Variants in HOPX observed in about 807,000 individuals in gnomAD.
HOPX encodes homeodomain-only protein.
A neutral mutation model predicts 11.8 loss-of-function variants in HOPX; 5 were observed. The observed-to-expected ratio is 0.43, with a 90% CI of 0.22 to 0.89. The LOEUF (loss-of-function observed/expected upper bound fraction) is 0.89. Among genes scored for constraint, HOPX ranks in the 40% least tolerant of loss-of-function variants. HOPX has a pLI of 0.28. For missense variants in HOPX, 119 were observed against 120.0 expected (o/e 0.99, Z 0.04); for synonymous variants, 49 against 49.7 (o/e 0.99, Z 0.06).
chr4:56,671,455 C>A lies in HOPX; in HGVS notation c.-84+9800G>T, dbSNP rs550970600. Among the ~76,000 whole-genome samples, 167 of 152,056 alleles carry A rather than the reference C, an allele frequency of 1.1e-3. 2 individuals are homozygous for A. The highest frequency in any genetic ancestry group is 3.9e-3 in the African/African-American group (162 of 41,394). ...ATTAATAGATTATTATTTTTATGGT[C>A]CAACTACCATTCTTATTTTATGACT... On this transcript the variant is annotated intron_variant, in intron 1 of 3. Coordinates refer to ENST00000420433, the MANE Select transcript of HOPX (RefSeq NM_032495.6).
Position 56,670,229 on chromosome 4 carries a change from C to T in HOPX, c.-84+11026G>A, listed in dbSNP as rs145953778. On this transcript the variant is annotated intron_variant, in intron 1 of 3. Transcript: ENST00000420433. ...TAGAGATTTCCATGGGGCACAGCCA[C>T]GCACTCAGGGCTTTTCAAACCAGGT... 4.1e-3 allele frequency among the ~76,000 whole-genome samples: 623 copies of T among 152,212 alleles called. 2 individuals are homozygous for T. Among genetic ancestry groups the T allele is most frequent in the Non-Finnish European group, 7.4e-3 (504 of 68,010 alleles).
At chr4:56,657,660 C>T (rs1460507370) in intron 2 of HOPX, 115 bp downstream of exon 2, 11 of 707,314 alleles carry the variant, frequency 1.6e-5, no homozygotes, top group Admixed American at 2.0e-5. Flanking sequence ...ATTCCTGTCA[C>T]GGTGCTAGGC....
chr4:56,661,949 G>A (rs1177948633), intron 1 of HOPX, among the ~76,000 whole-genome samples: 1 of 152,134 alleles, frequency 6.6e-6, no homozygotes, highest in Non-Finnish European at 1.5e-5. Context: ...CTCCTCTACA[G>A]AACTCCTGGG....
chr4:56,658,660 A>G (rs1179886665), intron 1 of HOPX, among the ~76,000 whole-genome samples: 1 of 152,228 alleles, frequency 6.6e-6, no homozygotes, highest in Non-Finnish European at 1.5e-5. Context: ...CCTTGGCCTT[A>G]TAAAGCTTTT....
chr4:56,670,976 G>GA lies in HOPX; in HGVS notation c.-84+10278dup, dbSNP rs533268070. ...TGTGCCGTTGCACTCCAGCCTGGGTGAAAAAAAAAAAAAATCAAATACAGA... is the reference window on the plus strand; with the variant it reads ...TGTGCCGTTGCACTCCAGCCTGGGTGAAAAAAAAAAAAAAATCAAATACAGA... On this transcript the variant is annotated intron_variant, in intron 1 of 3. Transcript: ENST00000420433. 3.6e-3 allele frequency among the ~76,000 whole-genome samples: 497 copies of GA among 137,976 alleles called. 5 individuals carry two copies. The highest frequency in any genetic ancestry group is 0.011 in the Middle Eastern group (3 of 264). The allele number at this position is 137,976 out of a possible 152,430, so 90.5% of individuals were successfully genotyped here.
chr4:56,651,744 T>G (rs993999825), intron 3 of HOPX, among the ~76,000 whole-genome samples: 2 of 152,098 alleles, frequency 1.3e-5, no homozygotes, highest in African/African-American at 4.8e-5. Context: ...CTAAAACCAC[T>G]GGGTTCTGGG....
chr4:56,656,771 C>T (rs1416494338), intron 2 of HOPX, among the ~76,000 whole-genome samples: 1 of 152,190 alleles, frequency 6.6e-6, no homozygotes, highest in East Asian at 1.9e-4. Context: ...CTGCAACCTC[C>T]TCCTTCAACC....
chr4:56,652,827 G>GA (rs886434747), intron 3 of HOPX, among the ~76,000 whole-genome samples: 4 of 151,424 alleles, frequency 2.6e-5, no homozygotes, highest in African/African-American at 9.7e-5. Context: ...CTCCAAAAGA[G>GA]AAAAAAAGAA....
chr4:56,653,904 C>T (rs7673945), intron 3 of HOPX, among the ~76,000 whole-genome samples: 19,291 of 152,180 alleles, frequency 0.13, 1,408 homozygotes, highest in African/African-American at 0.2. Flanking sequence ...TACCCCTAAC[C>T]GGATTTTATT....
At chr4:56,653,929 T>G (rs7656255) in intron 3 of HOPX, among the ~76,000 whole-genome samples, 74,800 of 152,070 alleles carry the variant, frequency 0.49, 19,269 homozygotes, top group African/African-American at 0.64. Flanking sequence ...TTCTCTAATA[T>G]CATGTGAATC....
At position 56,655,896 on chromosome 4, in the gene HOPX, G is replaced by C. The variant is rs758694183; in HGVS notation, c.159C>G (p.Leu53=). The C allele has an allele frequency of 3.0e-5, 49 of 1,612,038 alleles. No individual in the cohort carries two copies. The highest frequency in any genetic ancestry group is 4.1e-5 in the Non-Finnish European group (48 of 1,179,158). ...CGGAAAGGCCTGCCTCGGCCGCGATGAGGCACAGCGTGGTGGAATCCGGGT... is the reference window on the plus strand; with the variant it reads ...CGGAAAGGCCTGCCTCGGCCGCGATCAGGCACAGCGTGGTGGAATCCGGGT... ...DKHPDSTTLC[L]IAAEAGLSEE... Residue 53 remains leucine, a synonymous_variant, in exon 3 of 4, where the codon CTC becomes CTG. Coordinates refer to ENST00000420433, the MANE Select transcript of HOPX (RefSeq NM_032495.6).
intron 1 of HOPX, among the ~76,000 whole-genome samples, chr4:56,669,691 AATAATAATAAT>A (rs1553883353): frequency 2.7e-5 from 4 of 150,364 alleles, no homozygotes; most frequent in Non-Finnish European, 5.9e-5. Context: ...TAATAATAAT[AATAATAATAAT>A]AACACCAGTA....
At chr4:56,654,371 T>C (rs1009226613) in intron 3 of HOPX, among the ~76,000 whole-genome samples, 2 of 152,194 alleles carry the variant, frequency 1.3e-5, no homozygotes, top group African/African-American at 4.8e-5. Flanking sequence ...CGAGAAGGGG[T>C]TGGACCTCTT....
chr4:56,664,267 A>T (rs1432229342), intron 1 of HOPX: 1 of 151,106 alleles, frequency 6.6e-6, no homozygotes, highest in Admixed American at 6.6e-5. Context: ...AGTAGCTGGG[A>T]TTACAGACGT....
At chr4:56,659,657 G>T (rs1370774189) in intron 1 of HOPX, 2 of 152,138 alleles carry the variant, frequency 1.3e-5, no homozygotes, top group Non-Finnish European at 2.9e-5. Flanking sequence ...AATTACCTGT[G>T]GAAATGTCTA....
rs1719044895 is a variant in HOPX at position 56,676,922 on chromosome 4, A to G, written c.-84+4333T>C. 2.7e-5 allele frequency among the ~76,000 whole-genome samples: 4 copies of G among 148,922 alleles called. No individual in the cohort carries two copies. The South Asian group carries it at 6.6e-4, about 25-fold the overall frequency. On this transcript the variant is annotated intron_variant, in intron 1 of 3. Coordinates refer to ENST00000420433, the MANE Select transcript of HOPX (RefSeq NM_032495.6). ...CAATCTGGTTTTCAAACTGGGCAAA[A>G]GTGCCCGAATGGGCCCATGGCCACA...
In HOPX at chr4:56,655,843, G is replaced by T. The variant is rs763819825; in HGVS notation, c.198+14C>A. 6.2e-7 allele frequency: 1 copy of T among 1,608,984 alleles called. No homozygotes were observed. The highest frequency in any genetic ancestry group is 1.7e-5 in the Admixed American group (1 of 59,536). ...GCAGGGGTCGGGGCGCGCTGGGCGC[G>T]TGTGGGGACGCACCTGGGTCTCCTC... On this transcript the variant is annotated intron_variant, in intron 3 of 3. Transcript: ENST00000420433.
At position 56,648,963 on chromosome 4, in the gene HOPX, C is replaced by T. The variant is rs192851438; in HGVS notation, c.199-166G>A. 190 of 533,720 alleles carry T rather than the reference C, an allele frequency of 3.6e-4. 1 individual carries two copies. The highest frequency in any genetic ancestry group is 3.2e-3 in the African/African-American group (173 of 53,402). The allele number at this position is 533,720 out of a possible 1,614,324, so 33.1% of individuals were successfully genotyped here. A position where few individuals can be genotyped will look rare whatever the true frequency, so the allele number is the denominator to read the frequency against. ...GACACTAAACTTTCCTGCCTCAGGACCTTTGCACATGCTATTTCCTATGTT... is the reference window on the plus strand; with the variant it reads ...GACACTAAACTTTCCTGCCTCAGGATCTTTGCACATGCTATTTCCTATGTT... On this transcript the variant is annotated intron_variant, in intron 3 of 3. Transcript: ENST00000420433.
rs535326945 is a variant in HOPX, at chr4:56,670,899, A to G, written c.-84+10356T>C. On this transcript the variant is annotated intron_variant, in intron 1 of 3. Transcript: ENST00000420433. The stretch of plus-strand genomic sequence containing the variant: ...GCAATCTCAGCTACTCGGGAGGCTG[A>G]GGTAGGAGAATCGCTTGAACCCGGG... Among the ~76,000 whole-genome samples, 319 of 151,344 alleles carry G rather than the reference A, an allele frequency of 2.1e-3. 4 individuals carry two copies. The highest frequency in any genetic ancestry group is 7.4e-3 in the African/African-American group (305 of 40,958).
Sources: allele counts gnomAD v4.1 joint callset (sites outside exome capture counted in the v4.1 genomes callset), GRCh38; gene constraint gnomAD v4.1.1; transcripts MANE v1.5; gene names NCBI Gene and HGNC (gene_info 2026-07-23, HGNC 2026-07-21).